The following DTYMK variants were observed in gnomAD, a reference collection of about 807,000 sequenced individuals.
The protein encoded by DTYMK is thymidylate kinase.
In DTYMK, 20 loss-of-function variants were observed where a neutral mutation model predicts 20.3. The observed-to-expected ratio is 0.99, with a 90% CI of 0.69 to 1.43. The LOEUF is 1.43. DTYMK is among the 40% of genes most tolerant of loss of function. The probability of loss-of-function intolerance (pLI) is 0.00; values close to 1 mark genes in which losing one functional copy is unlikely to be tolerated. For missense variants in DTYMK, 320 were observed against 291.1 expected (o/e 1.10, Z -0.72); for synonymous variants, 148 against 124.4 (o/e 1.19, Z -1.27).
At chr2:241,683,133 G>C (rs1478781968) in intron 2 of DTYMK, among the ~76,000 whole-genome samples, 2 of 152,138 alleles carry the variant, frequency 1.3e-5, no homozygotes, top group African/African-American at 4.8e-5. Context: ...TACGAAACCA[G>C]ATACACAGAT....
chr2:241,683,329 C>T (rs2124826208), intron 2 of DTYMK, among the ~76,000 whole-genome samples: 1 of 152,342 alleles, frequency 6.6e-6, no homozygotes, highest in East Asian at 1.9e-4. Flanking sequence ...CAAGATGCTG[C>T]AGCCACTTTG....
In DTYMK at chr2:241,685,807, C is replaced by T. The variant is rs574574617; in HGVS notation, c.201G>A (p.Ser67=). 2.4e-5 allele frequency: 38 copies of T among 1,614,044 alleles called. No individual in the cohort carries two copies. In the South Asian group the frequency reaches 3.7e-4, roughly 16 times the overall value. The change falls in exon 2 of 5, where the codon TCG becomes TCA. Residue 67 remains serine, a synonymous_variant. Coordinates refer to ENST00000305784, the MANE Select transcript of DTYMK (RefSeq NM_012145.4). ...GATTTGCAGAAAAAAGCAGGTGCAC[C>T]GAGTGATCCTCCACGTCACTTTTCT... The part of the protein sequence containing the change: ...LQKKSDVEDH[S]VHLLFSANRW...
rs1370002733 is a variant in DTYMK, at chr2:241,676,055, A to G, written c.*72T>C. ...TTGTGGGGTCTGGACTCTGCTGGGGACGGGGCCTTCCGCGAGTCTCCCACC... is the reference window on the plus strand; with the variant it reads ...TTGTGGGGTCTGGACTCTGCTGGGGGCGGGGCCTTCCGCGAGTCTCCCACC... On this transcript the variant is annotated 3_prime_UTR_variant, in exon 5 of 5. Transcript: ENST00000305784. 3 of 1,420,522 alleles carry G rather than the reference A, an allele frequency of 2.1e-6. No homozygotes were observed. The highest frequency in any genetic ancestry group is 2.9e-6 in the Non-Finnish European group (3 of 1,047,152). The allele number at this position is 1,420,522 out of a possible 1,614,324, so 88.0% of individuals were successfully genotyped here. A position where few individuals can be genotyped will look rare whatever the true frequency, so the allele number is the denominator to read the frequency against.
At chr2:241,680,157 G>A (rs1242059753) in intron 3 of DTYMK, 72 bp downstream of exon 3, 9 of 1,395,770 alleles carry the variant, frequency 6.4e-6, no homozygotes, top group South Asian at 3.5e-5. Context: ...CATGTCACTC[G>A]TACTCGCATT....
intron 2 of DTYMK, among the ~76,000 whole-genome samples, chr2:241,681,425 C>T (rs2069254247): frequency 6.6e-6 from 1 of 152,186 alleles, no homozygotes; most frequent in South Asian, 2.1e-4. Flanking sequence ...CACGGTGGCT[C>T]ACGCCTGTAA....
chr2:241,678,622 G>A lies in DTYMK; in HGVS notation c.358C>T (p.Pro120Ser), dbSNP rs1014127466. The change falls in exon 4 of 5, where the codon CCA (proline) becomes TCA (serine). Residue 120 changes from proline (P) to serine (S), a missense_variant. Coordinates refer to ENST00000305784, the MANE Select transcript of DTYMK (RefSeq NM_012145.4). Reference protein sequence around the residue: ...ENFSLDWCKQPDVGLPKPDLV... With the variant: ...ENFSLDWCKQSDVGLPKPDLV... ...TCGGGTTTGGGAAGGCCCACGTCTGGCTGTTTACACCAATCTAGGGAAAAA... is the reference window on the plus strand; with the variant it reads ...TCGGGTTTGGGAAGGCCCACGTCTGACTGTTTACACCAATCTAGGGAAAAA... The A allele has an allele frequency of 6.2e-6, 10 of 1,614,150 alleles. No homozygotes were observed. The highest frequency in any genetic ancestry group is 8.5e-6 in the Non-Finnish European group (10 of 1,180,044).
In DTYMK at chr2:241,686,754, C is replaced by T. The variant is rs771602837; in HGVS notation, c.30G>A (p.Val10=). The T allele has an allele frequency of 1.1e-5, 17 of 1,508,748 alleles. No homozygotes were observed. The South Asian group carries it at 1.8e-4, about 16-fold the overall frequency. The allele number at this position is 1,508,748 out of a possible 1,614,324, so 93.5% of individuals were successfully genotyped here. MAARRGALI[V]LEGVDRAGKS... Reference sequence around the variant, plus strand: ...TCCCGGCGCGGTCCACGCCCTCCAGCACTATGAGAGCCCCGCGCCGGGCCG... The same window carrying T: ...TCCCGGCGCGGTCCACGCCCTCCAGTACTATGAGAGCCCCGCGCCGGGCCG... Residue 10 remains valine, a synonymous_variant, in exon 1 of 5, where the codon GTG becomes GTA. Coordinates refer to ENST00000305784, the MANE Select transcript of DTYMK (RefSeq NM_012145.4).
Position 241,686,756 on chromosome 2 carries a change from C to T in DTYMK, c.28G>A (p.Val10Met), listed in dbSNP as rs772876127. The change falls in exon 1 of 5, where the codon GTG becomes ATG. Residue 10 changes from valine (V) to methionine (M), a missense_variant. Coordinates refer to ENST00000305784, the MANE Select transcript of DTYMK (RefSeq NM_012145.4). ...CCGGCGCGGTCCACGCCCTCCAGCA[C>T]TATGAGAGCCCCGCGCCGGGCCGCC... MAARRGALI[V>M]LEGVDRAGKS... 6.7e-7 allele frequency: 1 copy of T among 1,494,314 alleles called. No homozygotes were observed. The highest frequency in any genetic ancestry group is 8.8e-7 in the Non-Finnish European group (1 of 1,136,810). 92.6% of individuals were successfully genotyped at this position (1,494,314 alleles called of 1,614,324 possible).
chr2:241,686,736 G>A lies in DTYMK; in HGVS notation c.48C>T (p.Arg16=), dbSNP rs1177016595. 1.9e-6 allele frequency: 3 copies of A among 1,546,214 alleles called. No homozygotes were observed. Among genetic ancestry groups the A allele is most frequent in the African/African-American group, 2.9e-5 (2 of 70,152 alleles). Residue 16 remains arginine, a synonymous_variant, in exon 1 of 5, where the codon CGC becomes CGT. Transcript: ENST00000305784. ...GALIVLEGVD[R]AGKSTQSRKL... ...TGCGGCTCTGCGTGCTCTTCCCGGC[G>A]CGGTCCACGCCCTCCAGCACTATGA...
At chr2:241,682,514 G>C (rs531355488) in intron 2 of DTYMK, among the ~76,000 whole-genome samples, 1 of 152,178 alleles carries the variant, frequency 6.6e-6, no homozygotes, top group Non-Finnish European at 1.5e-5. Context: ...AAGGCTGGGC[G>C]TAATGGCTCA....
chr2:241,686,510 G>A, intron 1 of DTYMK, 144 bp downstream of exon 1: 1 of 1,283,254 alleles, frequency 7.8e-7, no homozygotes, highest in Non-Finnish European at 1.0e-6. Context: ...CTCCAGCCTG[G>A]GCGACACAGG....
chr2:241,686,390 C>G (rs946743253), intron 1 of DTYMK, among the ~76,000 whole-genome samples: 1 of 152,212 alleles, frequency 6.6e-6, no homozygotes, highest in Non-Finnish European at 1.5e-5. Context: ...CAGCGTGGAC[C>G]GGGCGCGGTG....
In DTYMK at chr2:241,679,323, C is replaced by T. The variant is rs148853932; in HGVS notation, c.331-674G>A. 9.3e-3 allele frequency among the ~76,000 whole-genome samples: 1,422 copies of T among 152,336 alleles called. 15 individuals are homozygous for T. The highest frequency in any genetic ancestry group is 0.031 in the African/African-American group (1,301 of 41,584). ...ACAATGAGCTGAGGGAAGGCGTCCA[C>T]GAGAACCTCCCACAGAGCCTGCGGC... On this transcript the variant is annotated intron_variant, in intron 3 of 4. Transcript: ENST00000305784.
chr2:241,682,695 G>T (rs188870736), intron 2 of DTYMK: 1 of 169,710 alleles, frequency 5.9e-6, no homozygotes, highest in African/African-American at 2.4e-5. Context: ...GCTAAAGCAG[G>T]TGGATCACCT....
chr2:241,686,618 G>A, intron 1 of DTYMK, 36 bp downstream of exon 1: 1 of 1,472,994 alleles, frequency 6.8e-7, no homozygotes, highest in South Asian at 1.3e-5. Flanking sequence ...CAGAGGCACC[G>A]AAGGCCGCGG....
intron 1 of DTYMK, 46 bp downstream of exon 1, chr2:241,686,608 C>T: frequency 6.8e-7 from 1 of 1,462,354 alleles, no homozygotes; most frequent in Non-Finnish European, 8.9e-7. Context: ...CCTGGGAAGG[C>T]AGAGGCACCG....
intron 4 of DTYMK, among the ~76,000 whole-genome samples, chr2:241,676,458 T>TC (rs1369147803): frequency 3.9e-5 from 6 of 152,260 alleles, no homozygotes; most frequent in Non-Finnish European, 8.8e-5. Flanking sequence ...TAACACCCTG[T>TC]TTCAAAACAA....
chr2:241,683,552 A>G (rs1169713509), intron 2 of DTYMK, among the ~76,000 whole-genome samples: 1 of 152,200 alleles, frequency 6.6e-6, no homozygotes, highest in Non-Finnish European at 1.5e-5. Flanking sequence ...GCAGTTCTTC[A>G]CAAAAATTAA....
At chr2:241,676,728 C>A (rs1390684894) in intron 4 of DTYMK, among the ~76,000 whole-genome samples, 2 of 152,380 alleles carry the variant, frequency 1.3e-5, no homozygotes, top group African/African-American at 4.8e-5. Context: ...CCGCTGAGTG[C>A]CCACTTGCAG....
Sources: gnomAD v4.1 joint callset for allele counts (sites outside exome capture counted in the v4.1 genomes callset) on GRCh38, gnomAD v4.1.1 for gene constraint, MANE v1.5 for transcripts, NCBI Gene and HGNC (gene_info 2026-07-23, HGNC 2026-07-21) for gene names.